Variants in FZD6 observed in about 807,000 individuals in gnomAD.
The protein encoded by FZD6 is frizzled-6.
FZD6 carries 49 observed loss-of-function variants against 61.4 expected under a neutral mutation model. The observed-to-expected ratio is 0.80, with a 90% CI of 0.63 to 1.01. The LOEUF is 1.01. FZD6 is among the 50% of genes least tolerant of loss of function. The pLI is 0.00. For missense variants in FZD6, 724 were observed against 848.2 expected, an observed-to-expected ratio of 0.85 and a Z score of 1.82; for synonymous variants, 265 against 292.2, an observed-to-expected ratio of 0.91 and a Z score of 0.95.
chr8:103,318,863 G>T, intron 3 of FZD6, 77 bp downstream of exon 3: 1 of 814,596 alleles, frequency 1.2e-6, no homozygotes, highest in South Asian at 1.4e-5. Context: ...TTAGTGAGAA[G>T]CTTTCATTAT....
chr8:103,311,681 TAAAAA>T (rs34828148), intron 2 of FZD6, among the ~76,000 whole-genome samples: 1 of 124,528 alleles, frequency 8.0e-6, no homozygotes, highest in Admixed American at 8.4e-5. Context: ...ACCTGTCTCT[TAAAAA>T]AAAAAAAAAA....
At chr8:103,312,113 G>T (rs1156587235) in intron 2 of FZD6, among the ~76,000 whole-genome samples, 1 of 152,092 alleles carries the variant, frequency 6.6e-6, no homozygotes, top group East Asian at 1.9e-4. Context: ...GATGTGAATT[G>T]CCTTCTCACT....
chr8:103,325,339 G>A lies in FZD6; in HGVS notation c.1233G>A (p.Lys411=). The part of the protein sequence containing the change: ...QHDGRNQEKL[K]KFMIRIGVFS... The stretch of plus-strand genomic sequence containing the variant: ...ATGGCCGGAACCAAGAAAAACTAAA[G>A]AAATTTATGATTCGAATTGGAGTCT... Residue 411 remains lysine (K), a synonymous_variant, in exon 4 of 7, where the codon AAG becomes AAA. Coordinates refer to ENST00000358755, the MANE Select transcript of FZD6 (RefSeq NM_003506.4). 1 of 1,614,108 alleles carries A rather than the reference G, an allele frequency of 6.2e-7. No individual in the cohort carries two copies. Among genetic ancestry groups the A allele is most frequent in the Non-Finnish European group, 8.5e-7 (1 of 1,179,998 alleles).
intron 2 of FZD6, among the ~76,000 whole-genome samples, chr8:103,317,836 AAAAAAGAAAGAAAG>A (rs1369561523): frequency 7.3e-6 from 1 of 137,240 alleles, no homozygotes; most frequent in Non-Finnish European, 1.6e-5. Context: ...AAAAAAAAAA[AAAAAAGAAAGAAAG>A]AAAGAAAGAA....
chr8:103,329,649 T>C lies in FZD6; in HGVS notation c.1542-6T>C, dbSNP rs773468525. On this transcript the variant is annotated splice_polypyrimidine_tract_variant and splice_region_variant and intron_variant, in intron 5 of 6. Coordinates refer to ENST00000358755, the MANE Select transcript of FZD6 (RefSeq NM_003506.4). ...GAGTAAATCCTCTCCTTCAATTTTCTTATAGTCCAATCAGTGAAAGTCGAA... is the reference window on the plus strand; with the variant it reads ...GAGTAAATCCTCTCCTTCAATTTTCCTATAGTCCAATCAGTGAAAGTCGAA... The C allele has an allele frequency of 6.3e-7, 1 of 1,594,064 alleles. No individual in the cohort carries two copies.
In FZD6 at chr8:103,300,153, C is replaced by G. The variant is rs117477069; in HGVS notation, c.46C>G (p.Leu16Val). Residue 16 changes from leucine (L) to valine (V), a missense_variant, in exon 2 of 7, where the codon CTA (leucine) becomes GTA (valine). Transcript: ENST00000358755. Reference protein sequence around the residue: ...FLLTCIFLPLLRGHSLFTCEP... With the variant: ...FLLTCIFLPLVRGHSLFTCEP... ...GTTGACGTGTATTTTTCTACCCCTCCTAAGAGGGCACAGTCTCTTCACCTG... is the reference window on the plus strand; with the variant it reads ...GTTGACGTGTATTTTTCTACCCCTCGTAAGAGGGCACAGTCTCTTCACCTG... 7,406 of 1,602,314 alleles carry G rather than the reference C, an allele frequency of 4.6e-3. 25 individuals are homozygous for G. The highest frequency in any genetic ancestry group is 6.0e-3 in the Non-Finnish European group (6,982 of 1,169,204).
chr8:103,319,416 G>A (rs1814719627), intron 3 of FZD6, among the ~76,000 whole-genome samples: 1 of 152,214 alleles, frequency 6.6e-6, no homozygotes, highest in East Asian at 1.9e-4. Context: ...GCTGAAAGCA[G>A]TGAGGTCTTT....
intron 2 of FZD6, 68 bp downstream of exon 2, chr8:103,300,352 TA>T: frequency 8.8e-7 from 1 of 1,135,558 alleles, no homozygotes; most frequent in Non-Finnish European, 1.3e-6. Context: ...CTAGTAAAAA[TA>T]AGTCTATTTT....
chr8:103,318,766 T>C lies in FZD6; in HGVS notation c.354T>C (p.Pro118=). The change falls in exon 3 of 7, where the codon CCT becomes CCC. Residue 118 remains proline (P), a synonymous_variant. Coordinates refer to ENST00000358755, the MANE Select transcript of FZD6 (RefSeq NM_003506.4). Reference sequence around the variant, plus strand: ...TTGACACTTTTGGGATCCGATGGCCTGAGGAGCTTGAATGTGACAGGTAAA... The same window carrying C: ...TTGACACTTTTGGGATCCGATGGCCCGAGGAGCTTGAATGTGACAGGTAAA... ...KLIDTFGIRW[P]EELECDRLQY... is the part of the protein sequence containing the mutation. The C allele has an allele frequency of 6.2e-7, 1 of 1,602,568 alleles. No homozygotes were observed. The highest frequency in any genetic ancestry group is 8.6e-7 in the Non-Finnish European group (1 of 1,169,560).
Position 103,308,626 on chromosome 8 carries a change from G to A in FZD6, c.177+8342G>A, listed in dbSNP as rs138366828. On this transcript the variant is annotated intron_variant, in intron 2 of 6. Transcript: ENST00000358755. ...GAGGGAACTCTGCTTGAAGACGTAG[G>A]TGTGTTTTAAGGAAAGAATTATAAT... Among the ~76,000 whole-genome samples the A allele has an allele frequency of 4.1e-3, 617 of 152,254 alleles. 4 individuals are homozygous for A. Among genetic ancestry groups the A allele is most frequent in the African/African-American group, 0.013 (530 of 41,536 alleles).
Position 103,299,943 on chromosome 8 carries a change from T to G in FZD6, c.-152-13T>G. Reference sequence around the variant, plus strand: ...ACAAATGTTGCTGATACACCCTCCTTTTGTTTTTACAGTAATTGACCCAGG... The same window carrying G: ...ACAAATGTTGCTGATACACCCTCCTGTTGTTTTTACAGTAATTGACCCAGG... On this transcript the variant is annotated splice_polypyrimidine_tract_variant and intron_variant, in intron 1 of 6. Transcript: ENST00000358755. 1.7e-6 allele frequency: 1 copy of G among 598,616 alleles called. No individual in the cohort carries two copies. Among genetic ancestry groups the G allele is most frequent in the Non-Finnish European group, 3.0e-6 (1 of 332,014 alleles). 37.1% of individuals were successfully genotyped at this position (598,616 alleles called of 1,614,324 possible). A position where few individuals can be genotyped will look rare whatever the true frequency, so the allele number is the denominator to read the frequency against.
chr8:103,328,366 A>C lies in FZD6; in HGVS notation c.1491A>C (p.Lys497Asn). Reference protein sequence around the residue: ...GISAVFWVGSKKTCTEWAGFF... With the variant: ...GISAVFWVGSNKTCTEWAGFF... ...CTGCTGTCTTCTGGGTTGGAAGCAA[A>C]AAGACATGCACAGAATGGGCTGGGT... Residue 497 changes from lysine (K) to asparagine (N), a missense_variant, in exon 5 of 7, where the codon AAA (lysine) becomes AAC (asparagine). By Grantham distance (94) the Lys-to-Asn change is moderately conservative. Coordinates refer to ENST00000358755, the MANE Select transcript of FZD6 (RefSeq NM_003506.4). The C allele has an allele frequency of 6.2e-7, 1 of 1,612,988 alleles. No homozygotes were observed. Among genetic ancestry groups the C allele is most frequent in the Non-Finnish European group, 8.5e-7 (1 of 1,179,048 alleles).
intron 2 of FZD6, among the ~76,000 whole-genome samples, chr8:103,310,058 G>A (rs995246583): frequency 3.9e-5 from 6 of 152,152 alleles, no homozygotes; most frequent in African/African-American, 1.4e-4. Flanking sequence ...TCTACCTTGA[G>A]AGCTGCAGGT....
At chr8:103,323,458 A>T (rs1354256353) in intron 3 of FZD6, among the ~76,000 whole-genome samples, 2 of 148,854 alleles carry the variant, frequency 1.3e-5, no homozygotes, top group African/African-American at 5.0e-5. Flanking sequence ...CTTGAGACAG[A>T]GTCTCTCTGT....
rs1815141703 is a variant in FZD6, at chr8:103,331,738, T to C, written c.*229T>C. 4.2e-6 allele frequency: 2 copies of C among 474,094 alleles called. No homozygotes were observed. Among genetic ancestry groups the C allele is most frequent in the South Asian group, 4.2e-5 (2 of 47,166 alleles). The allele number at this position is 474,094 out of a possible 1,614,324, so 29.4% of individuals were successfully genotyped here. A position where few individuals can be genotyped will look rare whatever the true frequency, so the allele number is the denominator to read the frequency against. ...AATGTGCAGGTTAATAATATTTTTTTAATAGTGTGGGAGGACAGAGTTAGA... is the reference window on the plus strand; with the variant it reads ...AATGTGCAGGTTAATAATATTTTTTCAATAGTGTGGGAGGACAGAGTTAGA... On this transcript the variant is annotated 3_prime_UTR_variant, in exon 7 of 7. Transcript: ENST00000358755.
At chr8:103,320,608 A>G (rs1814758765) in intron 3 of FZD6, among the ~76,000 whole-genome samples, 1 of 152,048 alleles carries the variant, frequency 6.6e-6, no homozygotes, top group Non-Finnish European at 1.5e-5. Context: ...TTTTAAAGGC[A>G]TAATGAGGAT....
At chr8:103,306,707 A>G (rs1479427193) in intron 2 of FZD6, among the ~76,000 whole-genome samples, 2 of 151,564 alleles carry the variant, frequency 1.3e-5, no homozygotes, top group African/African-American at 4.9e-5. Flanking sequence ...GGGTTTAACC[A>G]TGTTAGCCAG....
At chr8:103,312,172 C>T (rs1057173229) in intron 2 of FZD6, among the ~76,000 whole-genome samples, 1 of 152,152 alleles carries the variant, frequency 6.6e-6, no homozygotes, top group Non-Finnish European at 1.5e-5. Flanking sequence ...ACTGCTATTT[C>T]CAGGGATTTC....
chr8:103,325,303 C>A lies in FZD6; in HGVS notation c.1197C>A (p.Val399=). ...TTTCCTTAAATCATGTTCGACAAGTCATACAACATGATGGCCGGAACCAAG... is the reference window on the plus strand; with the variant it reads ...TTTCCTTAAATCATGTTCGACAAGTAATACAACATGATGGCCGGAACCAAG... The part of the protein sequence containing the change: ...GIISLNHVRQ[V]IQHDGRNQEK... Residue 399 remains valine, a synonymous_variant, in exon 4 of 7, where the codon GTC becomes GTA. Coordinates refer to ENST00000358755, the MANE Select transcript of FZD6 (RefSeq NM_003506.4). 1.9e-6 allele frequency: 3 copies of A among 1,613,882 alleles called. No individual in the cohort carries two copies. The highest frequency in any genetic ancestry group is 1.7e-6 in the Non-Finnish European group (2 of 1,179,768).
Sources: allele counts gnomAD v4.1 joint callset (sites outside exome capture counted in the v4.1 genomes callset), GRCh38; gene constraint gnomAD v4.1.1; transcripts MANE v1.5; gene names NCBI Gene and HGNC (gene_info 2026-07-23, HGNC 2026-07-21).